LSAMP: variants seen among roughly 807,000 people sequenced by gnomAD.
LSAMP encodes limbic system associated membrane protein.
A neutral mutation model predicts 38.6 loss-of-function variants in LSAMP; 7 were observed. The ratio of observed to expected loss-of-function variants is 0.18; its 90% CI spans 0.10 to 0.34. The LOEUF (loss-of-function observed/expected upper bound fraction) is 0.34. LSAMP is among the 10% of genes least tolerant of loss of function. The pLI is 1.00. For synonymous variants in LSAMP, 154 were observed against 166.8 expected, an observed-to-expected ratio of 0.92 and a Z score of 0.59; for missense variants, 313 against 420.0, an observed-to-expected ratio of 0.75 and a Z score of 2.23.
chr3:116,248,780 T>G (rs1281131032), intron 1 of LSAMP, among the ~76,000 whole-genome samples: 1 of 152,058 alleles, frequency 6.6e-6, no homozygotes, highest in Admixed American at 6.6e-5. Context: ...TATGTAGGCA[T>G]GAGCACACCC....
intron 1 of LSAMP, among the ~76,000 whole-genome samples, chr3:116,345,051 A>G (rs1037323061): frequency 1.3e-5 from 2 of 152,200 alleles, no homozygotes; most frequent in African/African-American, 4.8e-5. Flanking sequence ...TATTGAACAC[A>G]TAATTCTGCA....
At chr3:115,823,314 C>A (rs1170860810) in intron 6 of LSAMP, among the ~76,000 whole-genome samples, 1 of 152,164 alleles carries the variant, frequency 6.6e-6, no homozygotes, top group Non-Finnish European at 1.5e-5. Flanking sequence ...AGCACCCTGG[C>A]CCAGGTAGGA....
chr3:116,395,929 G>A, intron 1 of LSAMP, among the ~76,000 whole-genome samples: 1 of 152,102 alleles, frequency 6.6e-6, no homozygotes, highest in East Asian at 1.9e-4. Context: ...ATGGACAGAA[G>A]TGTGAACTCA....
intron 1 of LSAMP, among the ~76,000 whole-genome samples, chr3:116,258,944 C>T (rs541687478): frequency 1.5e-4 from 23 of 152,176 alleles, no homozygotes; most frequent in South Asian, 1.0e-3. Context: ...ATTAAAAATA[C>T]GTTTTAAAGA....
At chr3:116,046,206 G>A (rs1333811703) in intron 2 of LSAMP, among the ~76,000 whole-genome samples, 2 of 152,090 alleles carry the variant, frequency 1.3e-5, no homozygotes, top group African/African-American at 2.4e-5. Context: ...TGACATTCTG[G>A]GCTACATTGC....
At chr3:116,021,081 C>T (rs947125904) in intron 2 of LSAMP, among the ~76,000 whole-genome samples, 1 of 152,090 alleles carries the variant, frequency 6.6e-6, no homozygotes, top group South Asian at 2.1e-4. Context: ...GGACCCTCTC[C>T]ACCTCAGCAT....
chr3:116,348,487 G>A (rs549363527), intron 1 of LSAMP, among the ~76,000 whole-genome samples: 5 of 152,182 alleles, frequency 3.3e-5, no homozygotes, highest in South Asian at 2.1e-4. Flanking sequence ...AAGGGGAAGC[G>A]GTGGTTACAA....
intron 1 of LSAMP, among the ~76,000 whole-genome samples, chr3:116,214,655 A>G (rs1247398902): frequency 6.6e-6 from 1 of 152,022 alleles, no homozygotes; most frequent in Non-Finnish European, 1.5e-5. Flanking sequence ...GGTGCCCACC[A>G]CCACGCATGG....
intron 3 of LSAMP, among the ~76,000 whole-genome samples, chr3:116,016,014 A>ATTTTTT (rs34723861): frequency 6.7e-6 from 1 of 148,864 alleles, no homozygotes; most frequent in Non-Finnish European, 1.5e-5. Flanking sequence ...AAAGCTAACC[A>ATTTTTT]TTTTTTTTTT....
At chr3:116,103,557 CTTT>C (rs547545490) in intron 1 of LSAMP, among the ~76,000 whole-genome samples, 1 of 117,958 alleles carries the variant, frequency 8.5e-6, no homozygotes, top group Admixed American at 8.5e-5. Context: ...CTCATTCCAT[CTTT>C]TTTTTTTTTT....
At chr3:116,169,306 T>C (rs1459003090) in intron 1 of LSAMP, among the ~76,000 whole-genome samples, 1 of 152,184 alleles carries the variant, frequency 6.6e-6, no homozygotes, top group Non-Finnish European at 1.5e-5. Context: ...TTAAATTGCT[T>C]TTCTCCCAAA....
chr3:116,310,856 T>G (rs2047548199), intron 1 of LSAMP, among the ~76,000 whole-genome samples: 1 of 151,566 alleles, frequency 6.6e-6, no homozygotes, highest in Non-Finnish European at 1.5e-5. Context: ...AACAAAATAT[T>G]GATAGTTATA....
chr3:115,937,199 G>T (rs1320434752), intron 3 of LSAMP, among the ~76,000 whole-genome samples: 1 of 152,196 alleles, frequency 6.6e-6, no homozygotes, highest in Non-Finnish European at 1.5e-5. Flanking sequence ...TCTTTGAAGA[G>T]AACCTACCAT....
intron 1 of LSAMP, among the ~76,000 whole-genome samples, chr3:116,248,807 A>T (rs974972020): frequency 8.6e-5 from 13 of 151,872 alleles, no homozygotes; most frequent in Admixed American, 7.9e-4. Context: ...GTGTAGACTG[A>T]TGTGTGAAAG....
intron 1 of LSAMP, among the ~76,000 whole-genome samples, chr3:116,425,250 T>A (rs1298770812): frequency 6.6e-6 from 1 of 152,206 alleles, no homozygotes; most frequent in Non-Finnish European, 1.5e-5. Flanking sequence ...TGTTTCACCA[T>A]CCCCTATTTA....
Position 115,865,025 on chromosome 3 carries a change from T to C in LSAMP, c.515-12408A>G, listed in dbSNP as rs114670789. Among the ~76,000 whole-genome samples, 413 of 152,332 alleles carry C rather than the reference T, an allele frequency of 2.7e-3. 2 individuals carry two copies. The highest frequency in any genetic ancestry group is 9.5e-3 in the African/African-American group (395 of 41,584). ...TTGACCCCCTCGCCTCCTGTACCTA[T>C]CACATAAGATCTCATTGCAACCACT... is the stretch of plus-strand genomic sequence containing the variant. On this transcript the variant is annotated intron_variant, in intron 3 of 6. Coordinates refer to ENST00000490035, the MANE Select transcript of LSAMP (RefSeq NM_002338.5).
chr3:116,305,718 CATA>C (rs1320117986), intron 1 of LSAMP, among the ~76,000 whole-genome samples: 5 of 151,730 alleles, frequency 3.3e-5, no homozygotes, highest in African/African-American at 7.3e-5. Flanking sequence ...AAATTGCACT[CATA>C]ATATTTTGTA....
intron 1 of LSAMP, among the ~76,000 whole-genome samples, chr3:116,196,185 T>G (rs926620840): frequency 6.6e-6 from 1 of 152,170 alleles, no homozygotes; most frequent in African/African-American, 2.4e-5. Flanking sequence ...TAAATTCTGA[T>G]ATAATTTTGA....
In LSAMP at chr3:115,839,261, CT is replaced by C. The variant is rs1261771586; in HGVS notation, c.919+2583del. Among the ~76,000 whole-genome samples, 231 of 80,534 alleles carry C rather than the reference CT, an allele frequency of 2.9e-3. 2 individuals carry two copies. Among genetic ancestry groups the C allele is most frequent in the African/African-American group, 5.7e-3 (85 of 15,028 alleles). 52.8% of individuals were successfully genotyped at this position (80,534 alleles called of 152,430 possible). ...TCTTTCCTTCCTTCCTTCCTTCTTT[CT>C]TTCCTTCCTTCCTTCCTTCCTTCCT... On this transcript the variant is annotated intron_variant, in intron 6 of 6. Coordinates refer to ENST00000490035, the MANE Select transcript of LSAMP (RefSeq NM_002338.5).
Sources: gnomAD v4.1 joint callset for allele counts (sites outside exome capture counted in the v4.1 genomes callset) on GRCh38, gnomAD v4.1.1 for gene constraint, MANE v1.5 for transcripts, NCBI Gene and HGNC (gene_info 2026-07-23, HGNC 2026-07-21) for gene names.